KSR1: variants seen among roughly 807,000 people sequenced by gnomAD.
The protein encoded by KSR1 is kinase suppressor of ras 1.
In KSR1, 35 loss-of-function variants were observed where a neutral mutation model predicts 92.9. The observed-to-expected ratio is 0.38, with a 90% CI of 0.29 to 0.50. The LOEUF (loss-of-function observed/expected upper bound fraction) is 0.50. KSR1 is among the 20% of genes least tolerant of loss of function. The probability of loss-of-function intolerance (pLI) is 0.94; values close to 1 mark genes in which losing one functional copy is unlikely to be tolerated. For synonymous variants in KSR1, 467 were observed against 472.6 expected (o/e 0.99, Z 0.15); for missense variants, 972 against 1,158.5 (o/e 0.84, Z 2.34).
At chr17:27,574,309 A>G (rs1197707793) in intron 2 of KSR1, among the ~76,000 whole-genome samples, 3 of 152,160 alleles carry the variant, frequency 2.0e-5, no homozygotes, top group African/African-American at 4.8e-5. Flanking sequence ...GCATGGCACC[A>G]TTTGTCTAAT....
chr17:27,573,932 G>A (rs1346615734), intron 2 of KSR1, among the ~76,000 whole-genome samples: 1 of 152,194 alleles, frequency 6.6e-6, no homozygotes, highest in Non-Finnish European at 1.5e-5. Flanking sequence ...CTTGGTATGG[G>A]TGAGGAGGAG....
At chr17:27,518,402 A>G (rs773962907) in intron 1 of KSR1, among the ~76,000 whole-genome samples, 3 of 152,356 alleles carry the variant, frequency 2.0e-5, no homozygotes, top group Non-Finnish European at 4.4e-5. Flanking sequence ...GAAGGTATGT[A>G]TTTCGAAAGC....
intron 1 of KSR1, among the ~76,000 whole-genome samples, chr17:27,538,627 A>T (rs1445154244): frequency 6.6e-6 from 1 of 152,214 alleles, no homozygotes; most frequent in East Asian, 1.9e-4. Flanking sequence ...CTGGGCTGCG[A>T]GCCACTGACT....
chr17:27,588,525 G>T lies in KSR1; in HGVS notation c.1036G>T (p.Val346Leu). ...QMVRRDIGLS[V>L]THRFSTKSWL... is the part of the protein sequence containing the mutation. Reference sequence around the variant, plus strand: ...GGTACGGAGGGATATCGGGCTGTCGGTGACGCACAGGTAGGCACAGCGGGC... The same window carrying T: ...GGTACGGAGGGATATCGGGCTGTCGTTGACGCACAGGTAGGCACAGCGGGC... The change falls in exon 6 of 21, where the codon GTG becomes TTG. Residue 346 changes from valine (V) to leucine (L), a missense_variant. Around this residue, in one of 5 missense-constraint regions of KSR1, gnomAD observed 611 missense variants for 668.0 expected, o/e 0.91. Coordinates refer to ENST00000644974, the MANE Select transcript of KSR1 (RefSeq NM_001394583.1). 1 of 1,592,660 alleles carries T rather than the reference G, an allele frequency of 6.3e-7. No homozygotes were observed.
intron 5 of KSR1, 50 bp downstream of exon 5, chr17:27,585,711 C>T (rs761597665): frequency 2.7e-5 from 20 of 745,870 alleles, no homozygotes; most frequent in Admixed American, 7.4e-5. Flanking sequence ...GTCGTGTGTG[C>T]GTTGCTGTCC....
chr17:27,493,271 G>A (rs2068880368), intron 1 of KSR1, among the ~76,000 whole-genome samples: 2 of 152,314 alleles, frequency 1.3e-5, no homozygotes, highest in African/African-American at 4.8e-5. Flanking sequence ...GTTAGTAAAT[G>A]CTGAAGCTGG....
chr17:27,561,517 C>A (rs2071828277), intron 2 of KSR1, among the ~76,000 whole-genome samples: 1 of 152,186 alleles, frequency 6.6e-6, no homozygotes, highest in South Asian at 2.1e-4. Context: ...GGGTGCGTAG[C>A]TGACTGCTGG....
chr17:27,578,128 C>T, intron 3 of KSR1: 1 of 191,954 alleles, frequency 5.2e-6, no homozygotes, highest in South Asian at 7.9e-5. Flanking sequence ...GTGTGTAATC[C>T]TGGCCTTGCC....
intron 2 of KSR1, among the ~76,000 whole-genome samples, chr17:27,574,686 A>G (rs974512561): frequency 2.6e-5 from 4 of 152,182 alleles, no homozygotes. Flanking sequence ...CGCTTGAGAC[A>G]AGGAATTACA....
rs772795766 is a variant in KSR1, at chr17:27,592,342, A to G, written c.1131-19A>G. On this transcript the variant is annotated intron_variant, in intron 7 of 20. Coordinates refer to ENST00000644974, the MANE Select transcript of KSR1 (RefSeq NM_001394583.1). ...CCCCCATGTGGTGCTTTGCACACCA[A>G]CCTCCCCTTCTTTACCAGGTTGAAG... 36 of 1,612,818 alleles carry G rather than the reference A, an allele frequency of 2.2e-5. No homozygotes were observed. Among genetic ancestry groups the G allele is most frequent in the Non-Finnish European group, 3.1e-5 (36 of 1,178,924 alleles).
rs116926546 is a variant in KSR1 at position 27,460,414 on chromosome 17, G to T, written c.231+3540G>T. 9.2e-3 allele frequency among the ~76,000 whole-genome samples: 1,403 copies of T among 152,286 alleles called. 14 individuals carry two copies. The highest frequency in any genetic ancestry group is 0.015 in the Non-Finnish European group (1,003 of 68,016). ...CTGCCATGCTGAGTCTCCCCACCTT[G>T]TGTTCTTGTGGAGAAAAATCCCTCC... On this transcript the variant is annotated intron_variant, in intron 1 of 20. Coordinates refer to ENST00000644974, the MANE Select transcript of KSR1 (RefSeq NM_001394583.1).
At chr17:27,542,839 A>G (rs1327594854) in intron 1 of KSR1, among the ~76,000 whole-genome samples, 1 of 152,204 alleles carries the variant, frequency 6.6e-6, no homozygotes, top group Non-Finnish European at 1.5e-5. Context: ...GCTATGGGGC[A>G]TGTATTATAT....
intron 2 of KSR1, among the ~76,000 whole-genome samples, chr17:27,571,537 C>T (rs1480034078): frequency 2.6e-5 from 4 of 152,230 alleles, no homozygotes; most frequent in Non-Finnish European, 5.9e-5. Context: ...TGTCACCACC[C>T]ACAGGGCTCT....
chr17:27,570,534 C>A (rs909762658), intron 2 of KSR1, among the ~76,000 whole-genome samples: 2 of 152,230 alleles, frequency 1.3e-5, no homozygotes, highest in African/African-American at 4.8e-5. Flanking sequence ...AACAAGCTTT[C>A]AATCCCAGGC....
intron 1 of KSR1, among the ~76,000 whole-genome samples, chr17:27,462,455 T>C (rs2019491064): frequency 6.6e-6 from 1 of 152,210 alleles, no homozygotes; most frequent in Non-Finnish European, 1.5e-5. Flanking sequence ...ACCCAGGCTG[T>C]GCAGCCTCAG....
intron 17 of KSR1, 112 bp downstream of exon 17, chr17:27,610,310 A>G: frequency 2.7e-6 from 4 of 1,462,294 alleles, no homozygotes; most frequent in Non-Finnish European, 3.7e-6. Flanking sequence ...CAGGCTCTGG[A>G]GTAAAAAATC....
At chr17:27,619,433 T>A (rs1262681397) in intron 19 of KSR1, among the ~76,000 whole-genome samples, 1 of 151,696 alleles carries the variant, frequency 6.6e-6, no homozygotes, top group Non-Finnish European at 1.5e-5. Context: ...AGTCTTGTTC[T>A]GTCACTCAGG....
intron 1 of KSR1, chr17:27,526,872 T>G (rs1268692757): frequency 3.0e-6 from 2 of 665,408 alleles, no homozygotes; most frequent in Non-Finnish European, 5.4e-6. Context: ...GAAGTAGAGC[T>G]GCTCCAGCAG....
chr17:27,601,246 G>T, intron 10 of KSR1, 114 bp from the exon 11 acceptor site: 1 of 883,190 alleles, frequency 1.1e-6, no homozygotes, highest in Non-Finnish European at 1.8e-6. Context: ...CTGGGGTAGG[G>T]CTGTCCCAGC....
Sources: allele counts gnomAD v4.1 joint callset (sites outside exome capture counted in the v4.1 genomes callset), GRCh38; gene constraint gnomAD v4.1.1; regional missense constraint gnomAD v4.1.1; transcripts MANE v1.5; gene names NCBI Gene and HGNC (gene_info 2026-07-23, HGNC 2026-07-21).